The following ZFAT variants were observed in gnomAD, a reference collection of about 807,000 sequenced individuals.
The protein encoded by ZFAT is zinc finger and AT-hook domain containing.
ZFAT carries 64 observed loss-of-function variants against 117.7 expected under a neutral mutation model. That is an observed-to-expected ratio of 0.54 (90% CI 0.44 to 0.67). ZFAT has a LOEUF of 0.67. Among genes scored for constraint, ZFAT ranks in the 30% least tolerant of loss-of-function variants. ZFAT has a pLI of 0.00. For missense variants in ZFAT, 1,433 were observed against 1,584.5 expected (o/e 0.90, Z 1.62); for synonymous variants, 679 against 615.0 (o/e 1.10, Z -1.54).
chr8:134,576,190 A>G (rs1825285242), intron 10 of ZFAT, among the ~76,000 whole-genome samples: 1 of 152,232 alleles, frequency 6.6e-6, no homozygotes, highest in Non-Finnish European at 1.5e-5. Context: ...TTAAATCTGT[A>G]TATCAATCTA....
intron 8 of ZFAT, among the ~76,000 whole-genome samples, chr8:134,589,586 G>T (rs375101382): frequency 6.6e-6 from 1 of 152,218 alleles, no homozygotes; most frequent in Admixed American, 6.5e-5. Context: ...GACTCAGGGA[G>T]CCCATGGGAG....
chr8:134,532,096 G>A (rs1383642196), intron 12 of ZFAT, among the ~76,000 whole-genome samples: 2 of 152,310 alleles, frequency 1.3e-5, no homozygotes, highest in Non-Finnish European at 2.9e-5. Flanking sequence ...CAGCACATAA[G>A]CTAAGCCCTC....
intron 10 of ZFAT, chr8:134,565,760 TG>T: frequency 1.1e-5 from 4 of 376,134 alleles, no homozygotes; most frequent in South Asian, 9.3e-5. Context: ...CACACACAGA[TG>T]AGACTGCAGG....
Position 134,512,576 on chromosome 8 carries a change from G to C in ZFAT, c.3260C>G (p.Pro1087Arg). The C allele has an allele frequency of 6.2e-7, 1 of 1,613,742 alleles. No homozygotes were observed. ...WETATEAPEE[P>R]STQYLHITEA... ...TGTGATGTGGAGATACTGGGTGGAG[G>C]GCTCCTCAGGAGCTTCTGTTGCTGT... is the stretch of plus-strand genomic sequence containing the variant. The change falls in exon 14 of 16, where the codon CCC becomes CGC. Residue 1087 changes from proline to arginine, a missense_variant. Pro to Arg is a moderately radical substitution (Grantham distance 103, BLOSUM62 -2). Coordinates refer to ENST00000377838, the MANE Select transcript of ZFAT (RefSeq NM_020863.4).
chr8:134,520,862 T>C lies in ZFAT; in HGVS notation c.3234+21A>G, dbSNP rs372465741. On this transcript the variant is annotated intron_variant, in intron 13 of 15. Coordinates refer to ENST00000377838, the MANE Select transcript of ZFAT (RefSeq NM_020863.4). ...CTGTGTTTTGAAATGTCAAGATTAA[T>C]ACCATACTTAAAAAAATTACCTCCC... 5.7e-6 allele frequency: 9 copies of C among 1,590,046 alleles called. No individual in the cohort carries two copies. In the African/African-American group the frequency reaches 1.1e-4, roughly 19 times the overall value.
intron 2 of ZFAT, among the ~76,000 whole-genome samples, chr8:134,647,027 A>T (rs1429814366): frequency 6.6e-6 from 1 of 152,188 alleles, no homozygotes; most frequent in Non-Finnish European, 1.5e-5. Context: ...AAGAGGAGGG[A>T]ATACCTCCCA....
At chr8:134,589,533 G>A (rs1382289625) in intron 8 of ZFAT, among the ~76,000 whole-genome samples, 1 of 152,228 alleles carries the variant, frequency 6.6e-6, no homozygotes, top group Admixed American at 6.5e-5. Flanking sequence ...TGCTTTCCTG[G>A]GCCTGCCTGT....
At chr8:134,482,907 G>A (rs116045504) in intron 15 of ZFAT, among the ~76,000 whole-genome samples, 2,889 of 152,248 alleles carry the variant, frequency 0.019, 109 homozygotes, top group African/African-American at 0.067. Context: ...GCAGCCTCCT[G>A]TTGGGCCTCC....
At chr8:134,635,920 A>G (rs1475603487) in intron 3 of ZFAT, among the ~76,000 whole-genome samples, 1 of 152,146 alleles carries the variant, frequency 6.6e-6, no homozygotes, top group African/African-American at 2.4e-5. Context: ...GCAATTACTC[A>G]GGCTCCATTT....
At chr8:134,488,727 C>A (rs1405410895) in intron 15 of ZFAT, among the ~76,000 whole-genome samples, 1 of 152,038 alleles carries the variant, frequency 6.6e-6, no homozygotes, top group East Asian at 1.9e-4. Context: ...GGGGGCTTGT[C>A]CTGGGTTGTC....
chr8:134,691,084 C>A (rs1376489972), intron 1 of ZFAT, among the ~76,000 whole-genome samples: 4 of 152,174 alleles, frequency 2.6e-5, no homozygotes, highest in Non-Finnish European at 4.4e-5. Flanking sequence ...CAAACAAGGT[C>A]AGAAAGTCCT....
At chr8:134,535,936 G>A (rs1821802566) in intron 11 of ZFAT, among the ~76,000 whole-genome samples, 1 of 152,156 alleles carries the variant, frequency 6.6e-6, no homozygotes, top group Non-Finnish European at 1.5e-5. Context: ...GCATCGGGCA[G>A]TCAGTGGGCA....
chr8:134,661,789 A>T (rs978769274), intron 1 of ZFAT, among the ~76,000 whole-genome samples: 7 of 152,192 alleles, frequency 4.6e-5, no homozygotes, highest in African/African-American at 1.7e-4. Flanking sequence ...CAAGGGAGCA[A>T]GGACAGGTCT....
chr8:134,500,062 C>T (rs1038382522), intron 15 of ZFAT, among the ~76,000 whole-genome samples: 1 of 152,204 alleles, frequency 6.6e-6, no homozygotes, highest in Admixed American at 6.5e-5. Flanking sequence ...GCGCTCTCCT[C>T]CATATGCGGG....
intron 2 of ZFAT, among the ~76,000 whole-genome samples, chr8:134,645,293 A>G (rs1456449313): frequency 6.6e-6 from 1 of 152,238 alleles, no homozygotes; most frequent in Non-Finnish European, 1.5e-5. Flanking sequence ...TTAAACCTGA[A>G]TGAAAATCAT....
intron 2 of ZFAT, among the ~76,000 whole-genome samples, chr8:134,648,994 A>G (rs1340573797): frequency 6.6e-6 from 1 of 152,122 alleles, no homozygotes; most frequent in Non-Finnish European, 1.5e-5. Context: ...CATCAGTGTA[A>G]TATACCATAT....
At chr8:134,695,215 G>T (rs2131341631) in intron 1 of ZFAT, among the ~76,000 whole-genome samples, 1 of 152,298 alleles carries the variant, frequency 6.6e-6, no homozygotes, top group Non-Finnish European at 1.5e-5. Flanking sequence ...AGGCACCCCG[G>T]CCAGGAAGGC....
rs115340842 is a variant in ZFAT, at chr8:134,584,563, G to A, written c.2714-558C>T. Among the ~76,000 whole-genome samples, 570 of 152,312 alleles carry A rather than the reference G, an allele frequency of 3.7e-3. 4 individuals are homozygous for A. Among genetic ancestry groups the A allele is most frequent in the Middle Eastern group, 0.024 (7 of 294 alleles). ...GCACATTTACTTTGTAAAACAAATC[G>A]AACTTTACCAACTGGTGGTTGATGG... is the stretch of plus-strand genomic sequence containing the variant. On this transcript the variant is annotated intron_variant, in intron 9 of 15. Coordinates refer to ENST00000377838, the MANE Select transcript of ZFAT (RefSeq NM_020863.4).
At chr8:134,558,675 T>C (rs1013181282) in intron 11 of ZFAT, among the ~76,000 whole-genome samples, 1 of 152,240 alleles carries the variant, frequency 6.6e-6, no homozygotes, top group Non-Finnish European at 1.5e-5. Flanking sequence ...TTCCTTGCTG[T>C]AGTTCTTTCG....
Sources: allele counts gnomAD v4.1 joint callset (sites outside exome capture counted in the v4.1 genomes callset), GRCh38; gene constraint gnomAD v4.1.1; transcripts MANE v1.5; gene names NCBI Gene and HGNC (gene_info 2026-07-23, HGNC 2026-07-21).